Variants in TGM6 observed in about 807,000 individuals in gnomAD.
TGM6 encodes the protein transglutaminase 6.
In TGM6, 74 loss-of-function variants were observed where a neutral mutation model predicts 77.5. That is an observed-to-expected ratio of 0.96 (90% confidence interval 0.79 to 1.16). TGM6 has a LOEUF of 1.16. Ranked by LOEUF, TGM6 falls within the 50% of genes most tolerant of loss-of-function variation. The pLI is 0.00. For synonymous variants in TGM6, 383 were observed against 378.9 expected (o/e 1.01, Z -0.12); for missense variants, 968 against 940.2 (o/e 1.03, Z -0.39).
rs114321972 is a variant in TGM6, at chr20:2,385,025, C to T, written c.7+4050C>T. ...AGCAGTCTTAGAGCAGATGCTGCCT[C>T]TCCCATCCCCTCCATTGGGCAGTGG... On this transcript the variant is annotated intron_variant, in intron 1 of 12. Transcript: ENST00000202625. 4.0e-3 allele frequency among the ~76,000 whole-genome samples: 607 copies of T among 152,312 alleles called. 4 individuals are homozygous for T. Among genetic ancestry groups the T allele is most frequent in the African/African-American group, 0.014 (580 of 41,568 alleles).
rs147093390 is a variant in TGM6 at position 2,399,643 on chromosome 20, G to A, written c.755G>A (p.Arg252His). Residue 252 changes from arginine to histidine, a missense_variant, in exon 6 of 13, where the codon CGC becomes CAC. Physicochemically the swap from Arg to His is conservative, Grantham distance 29 (BLOSUM62 0). Coordinates refer to ENST00000202625, the MANE Select transcript of TGM6 (RefSeq NM_198994.3). Reference sequence around the variant, plus strand: ...GGCGGCACCAGCCCGCTGCACTGGCGCGGCAGCGTGGCCATTCTGCAGAAG... The same window carrying A: ...GGCGGCACCAGCCCGCTGCACTGGCACGGCAGCGTGGCCATTCTGCAGAAG... ...YGGGTSPLHW[R>H]GSVAILQKWL... 42 of 1,613,692 alleles carry A rather than the reference G, an allele frequency of 2.6e-5. No individual in the cohort carries two copies. The highest frequency in any genetic ancestry group is 9.9e-5 in the South Asian group (9 of 91,060).
intron 9 of TGM6, among the ~76,000 whole-genome samples, chr20:2,414,979 G>A (rs980988438): frequency 7.9e-5 from 12 of 151,988 alleles, no homozygotes; most frequent in Non-Finnish European, 1.5e-4. Flanking sequence ...TTGTGGTGAC[G>A]GGGTGCACAA....
At chr20:2,396,363 G>A (rs1392609202) in intron 3 of TGM6, 143 bp from the exon 4 acceptor site, 24 of 784,992 alleles carry the variant, frequency 3.1e-5, no homozygotes, top group Middle Eastern at 2.4e-4. Flanking sequence ...AGGCAGCACG[G>A]GAGCTCGCAA....
intron 9 of TGM6, among the ~76,000 whole-genome samples, chr20:2,415,030 A>G (rs1308551289): frequency 6.6e-6 from 1 of 152,114 alleles, no homozygotes; most frequent in Non-Finnish European, 1.5e-5. Flanking sequence ...CACTCTTAAA[A>G]TGGGTGAATT....
At chr20:2,395,055 C>T (rs2084653600) in intron 2 of TGM6, 139 bp from the exon 3 acceptor site, 3 of 1,412,286 alleles carry the variant, frequency 2.1e-6, no homozygotes, top group Non-Finnish European at 2.9e-6. Flanking sequence ...CCTTCTTGCT[C>T]TTTGTCAGGT....
rs1480753500 is a variant in TGM6, at chr20:2,394,460, G to A, written c.16G>A (p.Val6Ile). 2 of 1,611,474 alleles carry A rather than the reference G, an allele frequency of 1.2e-6. No individual in the cohort carries two copies. The highest frequency in any genetic ancestry group is 1.7e-5 in the Admixed American group (1 of 60,024). Residue 6 changes from valine (V) to isoleucine (I), a missense_variant, in exon 2 of 13, where the codon GTC becomes ATC. By Grantham distance (29) the Val-to-Ile change is conservative (BLOSUM62 3). Coordinates refer to ENST00000202625, the MANE Select transcript of TGM6 (RefSeq NM_198994.3). MAGIR[V>I]TKVDWQRSRN... ...GTCCTCTCCCCACCCAGGGATCAGA[G>A]TCACCAAGGTGGACTGGCAGCGGTC...
chr20:2,408,586 C>T (rs575840673), intron 9 of TGM6, among the ~76,000 whole-genome samples: 4 of 152,092 alleles, frequency 2.6e-5, no homozygotes, highest in South Asian at 2.1e-4. Context: ...TACAGATTCA[C>T]GGAATGAATG....
At chr20:2,396,981 C>A (rs1047943730) in intron 4 of TGM6, among the ~76,000 whole-genome samples, 7 of 152,130 alleles carry the variant, frequency 4.6e-5, no homozygotes, top group Non-Finnish European at 8.8e-5. Flanking sequence ...TTGGGCAGGG[C>A]CTGAGAATGT....
At chr20:2,421,952 T>C (rs150154599) in intron 10 of TGM6, among the ~76,000 whole-genome samples, 2 of 152,058 alleles carry the variant, frequency 1.3e-5, no homozygotes, top group Non-Finnish European at 2.9e-5. Context: ...GTCAACATGG[T>C]GAAACCTCAT....
At chr20:2,397,867 G>A (rs1456765865) in intron 4 of TGM6, 51 bp from the exon 5 acceptor site, 1 of 1,613,810 alleles carries the variant, frequency 6.2e-7, no homozygotes. Context: ...GGAGGGCCTG[G>A]AATATGGGTG....
chr20:2,414,936 G>GC lies in TGM6; in HGVS notation c.1337-2296_1337-2295insC, dbSNP rs919363279. 1.6e-4 allele frequency among the ~76,000 whole-genome samples: 21 copies of GC among 133,448 alleles called. 1 individual carries two copies. Among genetic ancestry groups the GC allele is most frequent in the African/African-American group, 6.4e-4 (21 of 32,752 alleles). The allele number at this position is 133,448 out of a possible 152,430, so 87.5% of individuals were successfully genotyped here. A position where few individuals can be genotyped will look rare whatever the true frequency, so the allele number is the denominator to read the frequency against. On this transcript the variant is annotated intron_variant, in intron 9 of 12. Coordinates refer to ENST00000202625, the MANE Select transcript of TGM6 (RefSeq NM_198994.3). The stretch of plus-strand genomic sequence containing the variant: ...TGACTCCTGATGGTTACAGAATTTG[G>GC]GGGGGGGGGTGAAAAAACGTTCTAA...
chr20:2,422,849 G>A (rs1347656271), intron 10 of TGM6, among the ~76,000 whole-genome samples: 2 of 151,652 alleles, frequency 1.3e-5, no homozygotes, highest in South Asian at 2.1e-4. Context: ...CTACTCAAAA[G>A]TGAGGTGGGA....
chr20:2,398,800 T>C (rs2084686199), intron 5 of TGM6, among the ~76,000 whole-genome samples: 1 of 152,024 alleles, frequency 6.6e-6, no homozygotes, highest in African/African-American at 2.4e-5. Context: ...GGCTATGGTG[T>C]TTCCTCCCAA....
At chr20:2,396,258 G>A (rs1211119506) in intron 3 of TGM6, among the ~76,000 whole-genome samples, 1 of 152,040 alleles carries the variant, frequency 6.6e-6, no homozygotes, top group Admixed American at 6.5e-5. Flanking sequence ...TGACATCAAG[G>A]AGGCCCACCC....
chr20:2,431,042 G>A lies in TGM6; in HGVS notation c.1967+15G>A. 6.2e-7 allele frequency: 1 copy of A among 1,612,986 alleles called. No individual in the cohort carries two copies. Among genetic ancestry groups the A allele is most frequent in the East Asian group, 2.2e-5 (1 of 44,830 alleles). ...CTCAGCATCGAGTAAGTGCCAGCCTGGGGGGCTGGCAGGGAATGGGGCTCT... is the reference window on the plus strand; with the variant it reads ...CTCAGCATCGAGTAAGTGCCAGCCTAGGGGGCTGGCAGGGAATGGGGCTCT... On this transcript the variant is annotated intron_variant, in intron 12 of 12. Coordinates refer to ENST00000202625, the MANE Select transcript of TGM6 (RefSeq NM_198994.3).
intron 7 of TGM6, among the ~76,000 whole-genome samples, chr20:2,400,731 G>T (rs1348360324): frequency 6.6e-6 from 1 of 151,268 alleles, no homozygotes; most frequent in African/African-American, 2.4e-5. Context: ...GCTTCCTGGG[G>T]TGGGGTGGGG....
At chr20:2,403,892 A>T (rs1322840569) in intron 9 of TGM6, 69 bp downstream of exon 9, 33 of 1,612,454 alleles carry the variant, frequency 2.0e-5, no homozygotes, top group Non-Finnish European at 2.5e-5. Context: ...GGCCCACTGC[A>T]GGTGGCCTGG....
At chr20:2,397,895 A>T in intron 4 of TGM6, 23 bp from the exon 5 acceptor site, 1 of 1,614,100 alleles carries the variant, frequency 6.2e-7, no homozygotes, top group Non-Finnish European at 8.5e-7. Flanking sequence ...GCAGCCTCTA[A>T]GCACAGCCTC....
At chr20:2,430,720 G>A in intron 11 of TGM6, 120 bp downstream of exon 11, 1 of 1,589,606 alleles carries the variant, frequency 6.3e-7, no homozygotes. Context: ...TCTCCAGGGT[G>A]GGAGGAGTGG....
Sources: allele counts gnomAD v4.1 joint callset (sites outside exome capture counted in the v4.1 genomes callset), GRCh38; gene constraint gnomAD v4.1.1; transcripts MANE v1.5; gene names NCBI Gene and HGNC (gene_info 2026-07-23, HGNC 2026-07-21).